Variants in SPNS2 observed in about 807,000 individuals in gnomAD.
The protein encoded by SPNS2 is SPNS lysolipid transporter 2, sphingosine-1-phosphate.
In SPNS2, 37 loss-of-function variants were observed where a neutral mutation model predicts 57.6. The observed-to-expected ratio is 0.64, with a 90% CI of 0.49 to 0.85. SPNS2 has a LOEUF of 0.85. Ranked by LOEUF, SPNS2 falls within the 40% of genes least tolerant of loss-of-function variation. SPNS2 has a pLI of 0.00. For missense variants in SPNS2, 831 were observed against 779.1 expected, an observed-to-expected ratio of 1.07 and a Z score of -0.79; for synonymous variants, 440 against 346.9, an observed-to-expected ratio of 1.27 and a Z score of -2.98.
chr17:4,536,856 C>G lies in SPNS2; in HGVS notation c.1608-44C>G, dbSNP rs557311848. On this transcript the variant is annotated intron_variant, in intron 11 of 12. Coordinates refer to ENST00000329078, the MANE Select transcript of SPNS2 (RefSeq NM_001124758.3). ...TGCCAGAGCAGTGCCCGGGCCCGGC[C>G]CCCGCTGATGCACCACCCTGACCCC... 5.8e-6 allele frequency: 9 copies of G among 1,557,576 alleles called. No individual in the cohort carries two copies. In the South Asian group the frequency reaches 8.9e-5, roughly 15 times the overall value.
At chr17:4,522,888 C>T (rs1454210339) in intron 2 of SPNS2, among the ~76,000 whole-genome samples, 1 of 152,268 alleles carries the variant, frequency 6.6e-6, no homozygotes, top group African/African-American at 2.4e-5. Context: ...TTCTAAACCT[C>T]TTGTTCTGGA....
intron 3 of SPNS2, among the ~76,000 whole-genome samples, chr17:4,528,735 C>G (rs1905339401): frequency 3.9e-5 from 6 of 151,978 alleles, no homozygotes; most frequent in Admixed American, 3.9e-4. Flanking sequence ...CCTTGACTTC[C>G]CAAAGTGCTG....
At chr17:4,505,055 C>T (rs1179111221) in intron 1 of SPNS2, among the ~76,000 whole-genome samples, 3 of 152,188 alleles carry the variant, frequency 2.0e-5, no homozygotes, top group African/African-American at 4.8e-5. Context: ...GCGGTGTCCT[C>T]TTTCCAGGAT....
rs776463304 is a variant in SPNS2 at position 4,538,973 on chromosome 17, A to T, written c.*1525A>T. 2.5e-6 allele frequency: 2 copies of T among 790,752 alleles called. No individual in the cohort carries two copies. Among genetic ancestry groups the T allele is most frequent in the South Asian group, 2.7e-5 (2 of 74,774 alleles). The allele number at this position is 790,752 out of a possible 1,614,324, so 49.0% of individuals were successfully genotyped here. A position where few individuals can be genotyped will look rare whatever the true frequency, so the allele number is the denominator to read the frequency against. On this transcript the variant is annotated 3_prime_UTR_variant, in exon 13 of 13. Coordinates refer to ENST00000329078, the MANE Select transcript of SPNS2 (RefSeq NM_001124758.3). The stretch of plus-strand genomic sequence containing the variant: ...TAGAGCTGCTGATTGTGAATCTCAG[A>T]GTCTTAAGAGAGAAGCCAAATATAT...
At chr17:4,516,366 T>A in intron 2 of SPNS2, among the ~76,000 whole-genome samples, 1 of 150,320 alleles carries the variant, frequency 6.7e-6, no homozygotes, top group African/African-American at 2.5e-5. Context: ...TCATAGGTTT[T>A]GCTGTTTTGG....
chr17:4,533,484 G>A, intron 8 of SPNS2, 52 bp downstream of exon 8: 2 of 1,527,418 alleles, frequency 1.3e-6, no homozygotes, highest in Non-Finnish European at 1.8e-6. Flanking sequence ...TGGGCCGCGG[G>A]AGGGTCTGGA....
chr17:4,517,024 G>T (rs1227431898), intron 2 of SPNS2, among the ~76,000 whole-genome samples: 1 of 152,232 alleles, frequency 6.6e-6, no homozygotes, highest in Non-Finnish European at 1.5e-5. Context: ...GGGAACGCCC[G>T]CCTGGCTCAG....
chr17:4,531,168 G>T, intron 5 of SPNS2, 49 bp downstream of exon 5: 1 of 1,584,652 alleles, frequency 6.3e-7, no homozygotes, highest in Non-Finnish European at 8.7e-7. Flanking sequence ...TCCAGACCTC[G>T]CCCCAGGGTT....
intron 3 of SPNS2, 76 bp from the exon 4 acceptor site, chr17:4,530,556 G>C: frequency 3.3e-6 from 5 of 1,538,398 alleles, no homozygotes; most frequent in South Asian, 1.2e-5. Flanking sequence ...CAGGGGGAGG[G>C]AGCAAAGTGG....
At chr17:4,533,204 C>T in intron 7 of SPNS2, 39 bp from the exon 8 acceptor site, 1 of 1,580,472 alleles carries the variant, frequency 6.3e-7, no homozygotes, top group Non-Finnish European at 8.6e-7. Flanking sequence ...TAGCCCTGAG[C>T]CGCCTCAACT....
chr17:4,502,982 A>C (rs1453002936), intron 1 of SPNS2, among the ~76,000 whole-genome samples: 1 of 152,210 alleles, frequency 6.6e-6, no homozygotes, highest in Admixed American at 6.5e-5. Flanking sequence ...TGAGGGCAGC[A>C]GGCCTCAGAG....
At chr17:4,509,332 C>T (rs987063076) in intron 1 of SPNS2, among the ~76,000 whole-genome samples, 1 of 152,172 alleles carries the variant, frequency 6.6e-6, no homozygotes, top group Non-Finnish European at 1.5e-5. Flanking sequence ...CCCAGCTACT[C>T]GGGAGGCTGA....
chr17:4,502,705 G>A (rs1026209229), intron 1 of SPNS2, among the ~76,000 whole-genome samples: 4 of 152,108 alleles, frequency 2.6e-5, no homozygotes, highest in Non-Finnish European at 5.9e-5. Flanking sequence ...CCTGGGACGG[G>A]GCCAGATTCC....
chr17:4,527,684 C>A (rs1483400676), intron 3 of SPNS2, among the ~76,000 whole-genome samples: 1 of 152,108 alleles, frequency 6.6e-6, no homozygotes, highest in Non-Finnish European at 1.5e-5. Flanking sequence ...CAAATTAGAA[C>A]AACAATGAGA....
intron 9 of SPNS2, among the ~76,000 whole-genome samples, chr17:4,535,503 T>C (rs1403204521): frequency 6.6e-6 from 1 of 151,956 alleles, no homozygotes; most frequent in African/African-American, 2.4e-5. Context: ...GTGACCCAGG[T>C]CCAAGGGCAG....
intron 1 of SPNS2, among the ~76,000 whole-genome samples, chr17:4,508,333 G>A (rs1904735579): frequency 6.6e-6 from 1 of 152,206 alleles, no homozygotes; most frequent in African/African-American, 2.4e-5. Context: ...AATCACCTGG[G>A]CAGTGCGTTT....
intron 8 of SPNS2, 119 bp downstream of exon 8, chr17:4,533,551 C>G (rs1597370121): frequency 8.4e-7 from 1 of 1,187,484 alleles, no homozygotes. Flanking sequence ...GGCTCCTATT[C>G]TCTGGCTGCC....
intron 2 of SPNS2, among the ~76,000 whole-genome samples, chr17:4,515,799 A>AC (rs1278150520): frequency 1.3e-5 from 2 of 150,908 alleles, no homozygotes; most frequent in African/African-American, 4.9e-5. Context: ...TATTTGTGGC[A>AC]CCAGGGGCTG....
chr17:4,531,178 T>G (rs1430814491), intron 5 of SPNS2, 59 bp downstream of exon 5: 1 of 1,543,276 alleles, frequency 6.5e-7, no homozygotes, highest in Non-Finnish European at 8.9e-7. Context: ...GCCCCAGGGT[T>G]GCCCAGAGAT....
Sources: allele counts gnomAD v4.1 joint callset (sites outside exome capture counted in the v4.1 genomes callset), GRCh38; gene constraint gnomAD v4.1.1; transcripts MANE v1.5; gene names NCBI Gene and HGNC (gene_info 2026-07-23, HGNC 2026-07-21).